The following ERCC8 variants were observed in gnomAD, a reference collection of about 807,000 sequenced individuals.
ERCC8 encodes the protein ERCC excision repair 8, CSA ubiquitin ligase complex subunit, also known as DNA excision repair protein ERCC-8.
Under a neutral mutation model 54.9 loss-of-function variants are expected in ERCC8, and 52 were observed. That is an observed-to-expected ratio of 0.95 (90% CI 0.76 to 1.19). ERCC8 has a LOEUF of 1.19. Ranked by LOEUF, ERCC8 falls within the 50% of genes most tolerant of loss-of-function variation. ERCC8 has a pLI of 0.00. For synonymous variants in ERCC8, 146 were observed against 157.2 expected (o/e 0.93, Z 0.53); for missense variants, 514 against 466.1 (o/e 1.10, Z -0.95).
chr5:60,935,229 T>C (rs1483458521), intron 1 of ERCC8, among the ~76,000 whole-genome samples: 1 of 152,158 alleles, frequency 6.6e-6, no homozygotes, highest in Non-Finnish European at 1.5e-5. Flanking sequence ...CAGTGTTTTG[T>C]CTTGTAGAGG....
At chr5:60,895,922 C>T (rs569044081) in intron 9 of ERCC8, among the ~76,000 whole-genome samples, 20 of 152,302 alleles carry the variant, frequency 1.3e-4, no homozygotes, top group African/African-American at 4.8e-4. Context: ...TAACTTTTGT[C>T]TTGTCCTTAG....
In ERCC8 at chr5:60,873,032, T is replaced by C. The variant is rs569891228; in HGVS notation, c.*1583A>G. Among the ~76,000 whole-genome samples the C allele has an allele frequency of 4.1e-4, 62 of 152,208 alleles. No individual in the cohort carries two copies. The highest frequency in any genetic ancestry group is 1.5e-3 in the African/African-American group (61 of 41,544). On this transcript the variant is annotated 3_prime_UTR_variant, in exon 12 of 12. Coordinates refer to ENST00000676185, the MANE Select transcript of ERCC8 (RefSeq NM_000082.4). ...AGGAGCTAGGGTTGTTGGAGAAACA[T>C]TGGTCAAAGGATACAAAATTTCAGT...
chr5:60,886,554 T>C (rs1489828080), intron 11 of ERCC8, among the ~76,000 whole-genome samples: 2 of 151,618 alleles, frequency 1.3e-5, no homozygotes, highest in African/African-American at 4.9e-5. Context: ...ATACAAAAAT[T>C]AGCCAGGCGT....
intron 1 of ERCC8, chr5:60,932,277 A>G (rs1749930988): frequency 6.6e-6 from 1 of 152,248 alleles, no homozygotes; most frequent in Non-Finnish European, 1.5e-5. Flanking sequence ...GGCTACCCTT[A>G]AAAAGTTCTG....
rs138171418 is a variant in ERCC8 at position 60,938,762 on chromosome 5, A to T, written c.77+6170T>A. ...TTAAGGGATGTAAAGTCATGTATCT[A>T]CTAAATCTAGTTTGTTGTTTCTTCA... On this transcript the variant is annotated intron_variant, in intron 1 of 11. Coordinates refer to ENST00000676185, the MANE Select transcript of ERCC8 (RefSeq NM_000082.4). Among the ~76,000 whole-genome samples, 346 of 152,344 alleles carry T rather than the reference A, an allele frequency of 2.3e-3. 1 individual carries two copies. Among genetic ancestry groups the T allele is most frequent in the African/African-American group, 7.9e-3 (327 of 41,588 alleles).
chr5:60,912,577 C>T (rs536727635), intron 4 of ERCC8, among the ~76,000 whole-genome samples: 1 of 152,050 alleles, frequency 6.6e-6, no homozygotes, highest in Non-Finnish European at 1.5e-5. Context: ...ATTGAATACC[C>T]TTTATCTCTT....
chr5:60,895,084 T>G (rs1326779839), intron 9 of ERCC8, among the ~76,000 whole-genome samples: 1 of 150,852 alleles, frequency 6.6e-6, no homozygotes. Context: ...GAGAGAGAAT[T>G]GCTTGAACCT....
intron 11 of ERCC8, among the ~76,000 whole-genome samples, chr5:60,877,135 G>T (rs556789235): frequency 7.9e-5 from 12 of 152,160 alleles, no homozygotes; most frequent in Non-Finnish European, 1.5e-4. Context: ...ACTAAATAGG[G>T]AATCCTTTCT....
intron 9 of ERCC8, chr5:60,891,907 G>A (rs768382250): frequency 2.3e-5 from 11 of 482,406 alleles, no homozygotes; most frequent in South Asian, 3.3e-5. Flanking sequence ...TGCTTGGATC[G>A]GAAGGGAAGT....
chr5:60,875,110 T>C (rs1021209343), intron 11 of ERCC8, among the ~76,000 whole-genome samples: 16 of 152,202 alleles, frequency 1.1e-4, no homozygotes, highest in African/African-American at 3.9e-4. Context: ...GGCAACTCTT[T>C]ATTGTTTGGA....
rs1747901606 is a variant in ERCC8, at chr5:60,873,249, A to G, written c.*1366T>C. Among the ~76,000 whole-genome samples the G allele has an allele frequency of 6.6e-6, 1 of 152,238 alleles. No homozygotes were observed. The highest frequency in any genetic ancestry group is 2.1e-4 in the South Asian group (1 of 4,836). On this transcript the variant is annotated 3_prime_UTR_variant, in exon 12 of 12. Transcript: ENST00000676185. ...CTATAATGTATATATGCTTCAAAACAGTATGTTGTACATGGTAAATACATA... is the reference window on the plus strand; with the variant it reads ...CTATAATGTATATATGCTTCAAAACGGTATGTTGTACATGGTAAATACATA...
chr5:60,892,507 C>T, intron 9 of ERCC8: 2 of 595,852 alleles, frequency 3.4e-6, no homozygotes, highest in South Asian at 1.5e-5. Flanking sequence ...ACCCAGTCAG[C>T]TAGGACAGTT....
intron 4 of ERCC8, among the ~76,000 whole-genome samples, chr5:60,917,762 G>C (rs1429596604): frequency 1.3e-5 from 2 of 151,862 alleles, no homozygotes; most frequent in Non-Finnish European, 2.9e-5. Context: ...ATTAGCACTC[G>C]GAATGTAAAT....
At chr5:60,880,939 TCTGA>T (rs1341970055) in intron 11 of ERCC8, among the ~76,000 whole-genome samples, 2 of 152,216 alleles carry the variant, frequency 1.3e-5, no homozygotes, top group Non-Finnish European at 2.9e-5. Context: ...GGAGAGGTGC[TCTGA>T]CTTTTAGAGT....
chr5:60,901,823 C>G (rs1748912425), intron 7 of ERCC8, among the ~76,000 whole-genome samples: 1 of 152,010 alleles, frequency 6.6e-6, no homozygotes, highest in African/African-American at 2.4e-5. Flanking sequence ...ATGCAATACT[C>G]TTTTTCTCCA....
intron 11 of ERCC8, among the ~76,000 whole-genome samples, chr5:60,882,302 A>G (rs1193585839): frequency 1.3e-5 from 2 of 152,252 alleles, no homozygotes; most frequent in African/African-American, 4.8e-5. Context: ...GAAGAGCTGG[A>G]AAACAATATA....
At chr5:60,921,808 T>A (rs950087355) in intron 3 of ERCC8, among the ~76,000 whole-genome samples, 1 of 151,888 alleles carries the variant, frequency 6.6e-6, no homozygotes, top group Non-Finnish European at 1.5e-5. Context: ...AATCACAAGT[T>A]TTTTAAAAAT....
In ERCC8 at chr5:60,873,446, G is replaced by C. The variant is rs975414457; in HGVS notation, c.*1169C>G. 1.3e-5 allele frequency among the ~76,000 whole-genome samples: 2 copies of C among 152,108 alleles called. No individual in the cohort carries two copies. Among genetic ancestry groups the C allele is most frequent in the African/African-American group, 4.8e-5 (2 of 41,424 alleles). On this transcript the variant is annotated 3_prime_UTR_variant, in exon 12 of 12. Transcript: ENST00000676185. ...TTCCAGCACTTTGAGAGGCCGAGGC[G>C]GGTGGATCATTTGAGGTCAGCAGTT...
intron 11 of ERCC8, among the ~76,000 whole-genome samples, chr5:60,880,769 A>AT (rs948929718): frequency 7.9e-5 from 12 of 151,844 alleles, no homozygotes; most frequent in Non-Finnish European, 1.3e-4. Context: ...CATTTGTCTA[A>AT]TTTTTTTTCA....
Sources: gnomAD v4.1 joint callset for allele counts (sites outside exome capture counted in the v4.1 genomes callset) on GRCh38, gnomAD v4.1.1 for gene constraint, MANE v1.5 for transcripts, NCBI Gene and HGNC (gene_info 2026-07-23, HGNC 2026-07-21) for gene names.